Variants in GMDS observed in about 807,000 individuals in gnomAD.
The protein encoded by GMDS is GDP-mannose 4,6-dehydratase.
In GMDS, 20 loss-of-function variants were observed where a neutral mutation model predicts 49.9. That is an observed-to-expected ratio of 0.40 (90% CI 0.28 to 0.58). The LOEUF (loss-of-function observed/expected upper bound fraction) is 0.58, where lower values mean the gene tolerates loss of function less well. GMDS is among the 20% of genes least tolerant of loss of function. The pLI is 0.42. For missense variants in GMDS, 362 were observed against 481.4 expected, an observed-to-expected ratio of 0.75 and a Z score of 2.32; for synonymous variants, 177 against 178.6, an observed-to-expected ratio of 0.99 and a Z score of 0.07.
rs147451386 is a variant in GMDS, at chr6:1,645,902, C to T, written c.988-21362G>A. On this transcript the variant is annotated intron_variant, in intron 9 of 10. Coordinates refer to ENST00000380815, the MANE Select transcript of GMDS (RefSeq NM_001500.4). ...AACAATCTGTGGTTATTTTGCCAAT[C>T]CACCCACTACCCTGTCGTCTGCCTC... is the stretch of plus-strand genomic sequence containing the variant. Among the ~76,000 whole-genome samples, 10 of 152,304 alleles carry T rather than the reference C, an allele frequency of 6.6e-5. No homozygotes were observed. The East Asian group carries it at 1.9e-3, about 29-fold the overall frequency.
At chr6:2,064,367 C>T (rs1238031334) in intron 4 of GMDS, among the ~76,000 whole-genome samples, 1 of 151,940 alleles carries the variant, frequency 6.6e-6, no homozygotes, top group Non-Finnish European at 1.5e-5. Context: ...AGAAGGTTTA[C>T]AAAAAACCGA....
At chr6:1,788,675 T>A (rs764945155) in intron 7 of GMDS, among the ~76,000 whole-genome samples, 16 of 152,228 alleles carry the variant, frequency 1.1e-4, no homozygotes, top group Non-Finnish European at 2.1e-4. Context: ...TTAAGAAATA[T>A]CCAAGTTTCT....
chr6:1,726,310 A>G, intron 9 of GMDS, 106 bp downstream of exon 9: 2 of 745,410 alleles, frequency 2.7e-6, no homozygotes, highest in Non-Finnish European at 4.9e-6. Flanking sequence ...GATGCCAGGG[A>G]GCTGAACTGA....
At chr6:1,852,332 C>G (rs538084116) in intron 7 of GMDS, among the ~76,000 whole-genome samples, 1 of 152,274 alleles carries the variant, frequency 6.6e-6, no homozygotes, top group African/African-American at 2.4e-5. Context: ...AATAAATTTA[C>G]AGTATGTCCT....
intron 4 of GMDS, among the ~76,000 whole-genome samples, chr6:2,030,165 T>A (rs1768863924): frequency 6.6e-6 from 1 of 152,178 alleles, no homozygotes; most frequent in African/African-American, 2.4e-5. Context: ...CTGGTTACTG[T>A]CCATCTCCTC....
At chr6:1,994,989 T>G (rs564355129) in intron 4 of GMDS, among the ~76,000 whole-genome samples, 310 of 152,264 alleles carry the variant, frequency 2.0e-3, no homozygotes, top group African/African-American at 7.4e-3. Context: ...AAAGCATGTA[T>G]GATTGGATCA....
At chr6:1,753,980 A>G (rs1767839779) in intron 7 of GMDS, among the ~76,000 whole-genome samples, 1 of 152,188 alleles carries the variant, frequency 6.6e-6, no homozygotes, top group East Asian at 1.9e-4. Flanking sequence ...AGGACTAGAG[A>G]AGCAAGAGCA....
intron 9 of GMDS, among the ~76,000 whole-genome samples, chr6:1,683,154 T>C (rs997610416): frequency 3.9e-5 from 6 of 152,144 alleles, no homozygotes; most frequent in Admixed American, 3.3e-4. Context: ...GTCAGAGTCT[T>C]GCTCTGTTGC....
chr6:2,237,244 C>T (rs1305813700), intron 1 of GMDS, among the ~76,000 whole-genome samples: 1 of 152,162 alleles, frequency 6.6e-6, no homozygotes, highest in Non-Finnish European at 1.5e-5. Flanking sequence ...TATGGTAAGT[C>T]ACAAGATTTT....
intron 6 of GMDS, among the ~76,000 whole-genome samples, chr6:1,950,336 T>C (rs1437634979): frequency 2.6e-5 from 4 of 152,252 alleles, no homozygotes; most frequent in Non-Finnish European, 5.9e-5. Flanking sequence ...AGCCAGATCA[T>C]GGACTCTACA....
intron 4 of GMDS, among the ~76,000 whole-genome samples, chr6:1,965,375 C>A (rs1764205322): frequency 6.6e-6 from 1 of 152,136 alleles, no homozygotes; most frequent in Admixed American, 6.5e-5. Flanking sequence ...GAAAATTAAG[C>A]ATATGTGTTT....
At chr6:1,692,867 T>G (rs1765221984) in intron 9 of GMDS, among the ~76,000 whole-genome samples, 1 of 152,262 alleles carries the variant, frequency 6.6e-6, no homozygotes, top group Admixed American at 6.5e-5. Context: ...TGATTTTGAT[T>G]GGTTCTTTTT....
chr6:2,225,293 G>A (rs893465898), intron 1 of GMDS, among the ~76,000 whole-genome samples: 1 of 152,070 alleles, frequency 6.6e-6, no homozygotes, highest in Non-Finnish European at 1.5e-5. Context: ...CTGCACCACC[G>A]CACTCCATCC....
At chr6:1,632,492 A>C (rs1763028284) in intron 9 of GMDS, among the ~76,000 whole-genome samples, 2 of 152,200 alleles carry the variant, frequency 1.3e-5, no homozygotes, top group South Asian at 4.1e-4. Context: ...TATGAATAGG[A>C]GTGTCGGTTA....
chr6:1,655,305 A>G (rs989898285), intron 9 of GMDS, among the ~76,000 whole-genome samples: 2 of 152,198 alleles, frequency 1.3e-5, no homozygotes, highest in Non-Finnish European at 2.9e-5. Context: ...TTTAAAAATA[A>G]TGTGCAGGGA....
chr6:1,826,320 C>T (rs1011392896), intron 7 of GMDS, among the ~76,000 whole-genome samples: 3 of 152,108 alleles, frequency 2.0e-5, no homozygotes, highest in African/African-American at 4.8e-5. Flanking sequence ...TGCCGCTGAC[C>T]GAAACGTCAT....
chr6:2,202,449 T>TAA (rs2127577306), intron 1 of GMDS, among the ~76,000 whole-genome samples: 1 of 150,876 alleles, frequency 6.6e-6, no homozygotes, highest in African/African-American at 2.4e-5. Flanking sequence ...TTTTTTTTTT[T>TAA]TACAGATACA....
chr6:1,988,678 T>TA (rs1765721385), intron 4 of GMDS, among the ~76,000 whole-genome samples: 1 of 152,182 alleles, frequency 6.6e-6, no homozygotes, highest in African/African-American at 2.4e-5. Flanking sequence ...CAGGGCCTGA[T>TA]AGGCTTAAGT....
At chr6:1,709,825 G>C (rs1190766113) in intron 9 of GMDS, among the ~76,000 whole-genome samples, 1 of 152,192 alleles carries the variant, frequency 6.6e-6, no homozygotes, top group Non-Finnish European at 1.5e-5. Flanking sequence ...CTTGAAGTTT[G>C]GGGAGAAAAC....
Sources: allele counts gnomAD v4.1 joint callset (sites outside exome capture counted in the v4.1 genomes callset), GRCh38; gene constraint gnomAD v4.1.1; transcripts MANE v1.5; gene names NCBI Gene and HGNC (gene_info 2026-07-23, HGNC 2026-07-21).